GAPDHS: variants seen among roughly 807,000 people sequenced by gnomAD.
GAPDHS encodes glyceraldehyde-3-phosphate dehydrogenase, testis-specific.
A neutral mutation model predicts 48.7 loss-of-function variants in GAPDHS; 42 were observed. That is an observed-to-expected ratio of 0.86 (90% CI 0.67 to 1.12). The LOEUF (loss-of-function observed/expected upper bound fraction) is 1.12, where lower values mean the gene tolerates loss of function less well. GAPDHS is among the 50% of genes most tolerant of loss of function. The pLI is 0.00. For synonymous variants in GAPDHS, 166 were observed against 219.1 expected (o/e 0.76, Z 2.14); for missense variants, 512 against 557.7 (o/e 0.92, Z 0.82).
Position 35,543,784 on chromosome 19 carries a change from C to G in GAPDHS, c.1013C>G (p.Ala338Gly), listed in dbSNP as rs1368440074. 1 of 1,613,574 alleles carries G rather than the reference C, an allele frequency of 6.2e-7. No homozygotes were observed. Among genetic ancestry groups the G allele is most frequent in the Non-Finnish European group, 8.5e-7 (1 of 1,179,930 alleles). ...SAIKEAVKAA[A>G]KGPMAGILAY... ...ATCAAGGAGGCTGTAAAAGCAGCAG[C>G]CAAGGGGCCCATGGCTGGCATCCTT... The change falls in exon 9 of 11, where the codon GCC becomes GGC. Residue 338 changes from alanine (A) to glycine (G), a missense_variant. Transcript: ENST00000222286.
At chr19:35,544,818 T>C in intron 9 of GAPDHS, 91 bp from the exon 10 acceptor site, 1 of 796,318 alleles carries the variant, frequency 1.3e-6, no homozygotes, top group Non-Finnish European at 2.3e-6. Flanking sequence ...GATGAATGCA[T>C]GGATGGGCGA....
In GAPDHS at chr19:35,543,744, G is replaced by GC. The variant is rs772652010; in HGVS notation, c.978dup (p.Tyr327LeufsTer26). 1 of 1,613,950 alleles carries GC rather than the reference G, an allele frequency of 6.2e-7. No individual in the cohort carries two copies. Among genetic ancestry groups the GC allele is most frequent in the Middle Eastern group, 1.7e-4 (1 of 6,060 alleles). On this transcript the variant is annotated frameshift_variant, in exon 9 of 11. Coordinates refer to ENST00000222286, the MANE Select transcript of GAPDHS (RefSeq NM_014364.5). LOFTEE classifies it high-confidence loss of function. Reference sequence around the variant, plus strand: ...CCTGACCTGCCGCCTCGCCCAGCCTGCCCCCTACTCAGCCATCAAGGAGGC... The same window carrying GC: ...CCTGACCTGCCGCCTCGCCCAGCCTGCCCCCCTACTCAGCCATCAAGGAGGC...
At position 35,538,376 on chromosome 19, in the gene GAPDHS, T is replaced by A. The variant is rs868075481; in HGVS notation, c.315T>A (p.Asn105Lys). The change falls in exon 3 of 11, where the codon AAT (asparagine) becomes AAA (lysine). Residue 105 changes from asparagine (N) to lysine (K), a missense_variant. By Grantham distance (94) the Asn-to-Lys change is moderately conservative. Transcript: ENST00000222286. The stretch of plus-strand genomic sequence containing the variant: ...AGGGTGTTAAGGTGGTGGCTGTGAA[T>A]GATCCATTCATTGACCCGGAATACA... ...MEKGVKVVAV[N>K]DPFIDPEYMV... 1.2e-6 allele frequency: 2 copies of A among 1,612,802 alleles called. No individual in the cohort carries two copies.
At chr19:35,533,786 G>C (rs2071447420) in intron 1 of GAPDHS, among the ~76,000 whole-genome samples, 192 bp downstream of exon 1, 1 of 152,226 alleles carries the variant, frequency 6.6e-6, no homozygotes, top group African/African-American at 2.4e-5. Context: ...GCCATGGCGG[G>C]GAGACCGGGC....
chr19:35,539,165 G>A (rs1010646215), intron 4 of GAPDHS, among the ~76,000 whole-genome samples: 11 of 152,166 alleles, frequency 7.2e-5, no homozygotes, highest in Admixed American at 7.2e-4. Flanking sequence ...CCAGAGTGCT[G>A]GGATTACAGG....
At chr19:35,544,206 C>T (rs1246083397) in intron 9 of GAPDHS, 2 of 189,562 alleles carry the variant, frequency 1.1e-5, no homozygotes, top group Non-Finnish European at 2.2e-5. Context: ...TTTGTGGCTC[C>T]AACCTGGCAT....
chr19:35,539,605 T>C (rs2239943), intron 4 of GAPDHS, among the ~76,000 whole-genome samples: 92,005 of 151,742 alleles, frequency 0.61, 28,229 homozygotes, highest in East Asian at 0.75. Flanking sequence ...GAACCCTGTC[T>C]GGGCCCAGGC....
chr19:35,538,259 C>A, intron 2 of GAPDHS, 48 bp from the exon 3 acceptor site: 3 of 1,334,644 alleles, frequency 2.2e-6, no homozygotes, highest in Non-Finnish European at 3.2e-6. Context: ...GGAGCCTCCT[C>A]TCCATTACCC....
At position 35,545,126 on chromosome 19, in the gene GAPDHS, C is replaced by T; in HGVS notation, c.1183C>T (p.Arg395Trp). 1 of 1,614,070 alleles carries T rather than the reference C, an allele frequency of 6.2e-7. No homozygotes were observed. The highest frequency in any genetic ancestry group is 8.5e-7 in the Non-Finnish European group (1 of 1,179,934). ...CGACAACGAATATGGCTACAGTCAC[C>T]GGGTGGTCGACCTCCTCCGCTACAT... is the stretch of plus-strand genomic sequence containing the variant. ...WYDNEYGYSH[R>W]VVDLLRYMFS... The change falls in exon 11 of 11, where the codon CGG (arginine) becomes TGG (tryptophan). Residue 395 changes from arginine (R) to tryptophan (W), a missense_variant. Arg to Trp is a moderately radical substitution (Grantham distance 101, BLOSUM62 -3). Coordinates refer to ENST00000222286, the MANE Select transcript of GAPDHS (RefSeq NM_014364.5).
chr19:35,542,444 G>A, intron 5 of GAPDHS, 35 bp downstream of exon 5: 1 of 1,599,182 alleles, frequency 6.3e-7, no homozygotes, highest in Non-Finnish European at 8.6e-7. Flanking sequence ...GCTAGCTGGG[G>A]GGATGATGGT....
rs1381544328 is a variant in GAPDHS, at chr19:35,542,398, C to G, written c.529C>G (p.Gln177Glu). 1 of 1,602,254 alleles carries G rather than the reference C, an allele frequency of 6.2e-7. No individual in the cohort carries two copies. The highest frequency in any genetic ancestry group is 8.5e-7 in the Non-Finnish European group (1 of 1,169,620). Residue 177 changes from glutamine to glutamate, a missense_variant, in exon 5 of 11, where the codon CAG becomes GAG. Physicochemically the swap from Gln to Glu is conservative, Grantham distance 29. Transcript: ENST00000222286. ...GTCCACAGGCGTGTACCTCTCCATA[C>G]AGGCAGCTTCGGTAAGCTGGGGAGA... is the stretch of plus-strand genomic sequence containing the variant. ...VESTGVYLSI[Q>E]AASDHISAGA...
chr19:35,534,402 GCAT>G (rs1568680475), intron 1 of GAPDHS, among the ~76,000 whole-genome samples: 1 of 152,194 alleles, frequency 6.6e-6, no homozygotes, highest in Admixed American at 6.5e-5. Context: ...CCTGCCCTGC[GCAT>G]CACTGCTCCG....
intron 7 of GAPDHS, 51 bp downstream of exon 7, chr19:35,543,077 C>T (rs2071516570): frequency 1.4e-6 from 2 of 1,391,282 alleles, no homozygotes; most frequent in Non-Finnish European, 2.0e-6. Flanking sequence ...GGAAACCCAA[C>T]TTCTTCCCGG....
rs1026108023 is a variant in GAPDHS, at chr19:35,535,164, C to T, written c.67+1570C>T. Among the ~76,000 whole-genome samples, 4 of 152,290 alleles carry T rather than the reference C, an allele frequency of 2.6e-5. No homozygotes were observed. In the East Asian group the frequency reaches 7.7e-4, roughly 29 times the overall value. The stretch of plus-strand genomic sequence containing the variant: ...TTTCCAGCTTGAAACTCTCTGCCAC[C>T]AGGTCCCCTGAGTCTCCACTTCTCC... On this transcript the variant is annotated intron_variant, in intron 1 of 10. Transcript: ENST00000222286.
At chr19:35,540,080 C>T (rs545096440) in intron 4 of GAPDHS, among the ~76,000 whole-genome samples, 2 of 152,356 alleles carry the variant, frequency 1.3e-5, no homozygotes, top group East Asian at 3.9e-4. Flanking sequence ...GGCAAGGAAC[C>T]AAACTTGCCT....
intron 2 of GAPDHS, among the ~76,000 whole-genome samples, chr19:35,537,247 C>G (rs1404256545): frequency 6.6e-6 from 1 of 152,050 alleles, no homozygotes; most frequent in East Asian, 1.9e-4. Flanking sequence ...AAAAGTCAGG[C>G]TGGAGAGGGC....
At chr19:35,539,410 G>A (rs1341310709) in intron 4 of GAPDHS, among the ~76,000 whole-genome samples, 1 of 152,164 alleles carries the variant, frequency 6.6e-6, no homozygotes, top group Non-Finnish European at 1.5e-5. Flanking sequence ...TTTTACTTTA[G>A]AATGCCCTGG....
At chr19:35,535,541 C>T (rs574615251) in intron 1 of GAPDHS, among the ~76,000 whole-genome samples, 69 of 151,938 alleles carry the variant, frequency 4.5e-4, no homozygotes, top group African/African-American at 1.5e-3. Context: ...TGTGCCACCA[C>T]GCCTGGCTAA....
intron 4 of GAPDHS, chr19:35,540,627 C>T (rs964229533): frequency 2.6e-5 from 4 of 152,242 alleles, no homozygotes; most frequent in Admixed American, 6.5e-5. Context: ...AGTGCAGACC[C>T]GAGGTGGGAC....
Sources: gnomAD v4.1 joint callset for allele counts (sites outside exome capture counted in the v4.1 genomes callset) on GRCh38, gnomAD v4.1.1 for gene constraint, MANE v1.5 for transcripts, NCBI Gene and HGNC (gene_info 2026-07-23, HGNC 2026-07-21) for gene names.